RFX3: variants seen among roughly 807,000 people sequenced by gnomAD.
RFX3 encodes the protein regulatory factor X3, also known as transcription factor RFX3.
A neutral mutation model predicts 98.6 loss-of-function variants in RFX3; 14 were observed. That is an observed-to-expected ratio of 0.14 (90% CI 0.09 to 0.22). The LOEUF is 0.22. Among genes scored for constraint, RFX3 ranks in the 10% least tolerant of loss-of-function variants. The pLI, the probability that RFX3 is intolerant of heterozygous loss-of-function variation, is 1.00. For missense variants in RFX3, 639 were observed against 926.9 expected, an observed-to-expected ratio of 0.69 and a Z score of 4.03; for synonymous variants, 383 against 328.4, an observed-to-expected ratio of 1.17 and a Z score of -1.80.
At chr9:3,411,940 T>C (rs970997279) in intron 1 of RFX3, among the ~76,000 whole-genome samples, 1 of 152,192 alleles carries the variant, frequency 6.6e-6, no homozygotes, top group African/African-American at 2.4e-5. Flanking sequence ...ATTTTCTTCT[T>C]TGAAATTATT....
At chr9:3,345,965 C>G (rs1477136596) in intron 3 of RFX3, among the ~76,000 whole-genome samples, 1 of 152,078 alleles carries the variant, frequency 6.6e-6, no homozygotes, top group Non-Finnish European at 1.5e-5. Context: ...GTGAGAGAAC[C>G]TGAATTCATT....
intron 1 of RFX3, among the ~76,000 whole-genome samples, chr9:3,441,586 A>C (rs1845615108): frequency 6.6e-6 from 1 of 152,190 alleles, no homozygotes; most frequent in South Asian, 2.1e-4. Flanking sequence ...GTGGAGGGTA[A>C]CAAGTTAAGG....
At chr9:3,523,048 T>C (rs944106655) in intron 1 of RFX3, among the ~76,000 whole-genome samples, 7 of 152,210 alleles carry the variant, frequency 4.6e-5, no homozygotes, top group South Asian at 2.1e-4. Flanking sequence ...GCAAAACTTC[T>C]AGAAATTCAT....
chr9:3,477,013 CAT>C (rs1333053496), intron 1 of RFX3, among the ~76,000 whole-genome samples: 1 of 152,140 alleles, frequency 6.6e-6, no homozygotes, highest in Non-Finnish European at 1.5e-5. Flanking sequence ...TGATGTAATA[CAT>C]ATATGTCACT....
intron 4 of RFX3, among the ~76,000 whole-genome samples, chr9:3,319,435 A>C (rs569549089): frequency 9.9e-5 from 15 of 152,262 alleles, no homozygotes; most frequent in African/African-American, 3.4e-4. Context: ...ACATTCCCAC[A>C]ATGGTGCCAG....
At position 3,293,200 on chromosome 9, in the gene RFX3, G is replaced by C. The variant is rs747574969; in HGVS notation, c.608C>G (p.Thr203Ser). Residue 203 changes from threonine (T) to serine (S), a missense_variant, in exon 6 of 17, where the codon ACT (threonine) becomes AGT (serine). By Grantham distance (58) the Thr-to-Ser change is moderately conservative (BLOSUM62 1). Transcript: ENST00000617270. ...GTGTCGAAGGTAGTGGTTGTACAGAGTGCTTCTGGGAAGGCTCACTCCTTC... is the reference window on the plus strand; with the variant it reads ...GTGTCGAAGGTAGTGGTTGTACAGACTGCTTCTGGGAAGGCTCACTCCTTC... ...TAEGVSLPRS[T>S]LYNHYLRHCQ... 1 of 1,612,598 alleles carries C rather than the reference G, an allele frequency of 6.2e-7. No homozygotes were observed. The highest frequency in any genetic ancestry group is 1.1e-5 in the South Asian group (1 of 90,756).
At chr9:3,299,134 A>G (rs1157400525) in intron 5 of RFX3, among the ~76,000 whole-genome samples, 3 of 151,794 alleles carry the variant, frequency 2.0e-5, no homozygotes, top group African/African-American at 7.2e-5. Context: ...GTTTACTAAC[A>G]TTTAAAATAT....
chr9:3,325,042 G>T (rs141799515), intron 4 of RFX3, among the ~76,000 whole-genome samples: 1 of 152,226 alleles, frequency 6.6e-6, no homozygotes, highest in East Asian at 1.9e-4. Context: ...TGAGAATTGG[G>T]AAACGGGTGA....
At chr9:3,384,163 G>C (rs536521095) in intron 2 of RFX3, among the ~76,000 whole-genome samples, 31 of 152,002 alleles carry the variant, frequency 2.0e-4, no homozygotes, top group African/African-American at 7.2e-4. Flanking sequence ...AAGTGAGCAA[G>C]GCCCAAGTCC....
chr9:3,421,533 C>T (rs1182257449), intron 1 of RFX3, among the ~76,000 whole-genome samples: 2 of 152,166 alleles, frequency 1.3e-5, no homozygotes, highest in East Asian at 1.9e-4. Context: ...AAAGCAAATA[C>T]TCTATCTAGT....
At chr9:3,419,462 GCT>G (rs1326749597) in intron 1 of RFX3, among the ~76,000 whole-genome samples, 1 of 152,090 alleles carries the variant, frequency 6.6e-6, no homozygotes, top group Non-Finnish European at 1.5e-5. Context: ...TGTAATCCAT[GCT>G]CTGTCTTTTT....
intron 4 of RFX3, among the ~76,000 whole-genome samples, chr9:3,306,419 T>C (rs1829320449): frequency 6.6e-6 from 1 of 151,748 alleles, no homozygotes; most frequent in Non-Finnish European, 1.5e-5. Flanking sequence ...ACTAGCAGAG[T>C]TTCATAAATA....
chr9:3,513,800 ATC>A (rs979946819), intron 1 of RFX3, among the ~76,000 whole-genome samples: 1 of 152,172 alleles, frequency 6.6e-6, no homozygotes, highest in African/African-American at 2.4e-5. Flanking sequence ...ATTAAAATAA[ATC>A]TCTTTCCAAG....
At chr9:3,390,976 T>C (rs1840254022) in intron 2 of RFX3, among the ~76,000 whole-genome samples, 2 of 152,192 alleles carry the variant, frequency 1.3e-5, no homozygotes, top group Non-Finnish European at 2.9e-5. Flanking sequence ...ATATATAATA[T>C]TGAATGCCTC....
At chr9:3,259,919 A>G (rs1822644170) in intron 13 of RFX3, among the ~76,000 whole-genome samples, 1 of 152,088 alleles carries the variant, frequency 6.6e-6, no homozygotes, top group South Asian at 2.1e-4. Context: ...TTACAAGAGC[A>G]TCATTCTTAT....
chr9:3,263,139 C>T, intron 12 of RFX3, 55 bp from the exon 13 acceptor site: 19 of 1,568,368 alleles, frequency 1.2e-5, no homozygotes, highest in Non-Finnish European at 1.7e-5. Flanking sequence ...AAAGAAACCA[C>T]TGCAATTTTC....
At chr9:3,435,748 A>T (rs764346639) in intron 1 of RFX3, among the ~76,000 whole-genome samples, 6 of 150,678 alleles carry the variant, frequency 4.0e-5, no homozygotes, top group Admixed American at 2.0e-4. Flanking sequence ...ATAATTATTC[A>T]CATTCACAGA....
chr9:3,458,716 G>T lies in RFX3; in HGVS notation c.-8-63120C>A, dbSNP rs1168658397. 2.6e-5 allele frequency among the ~76,000 whole-genome samples: 4 copies of T among 152,142 alleles called. 1 individual carries two copies. The highest frequency in any genetic ancestry group is 4.4e-5 in the Non-Finnish European group (3 of 68,014). ...TCCTGTAGTTGTAGTTTCTTCTGGA[G>T]TCAATGAACATGTGTTCATTACCCT... On this transcript the variant is annotated intron_variant, in intron 1 of 16. Coordinates refer to ENST00000617270, the MANE Select transcript of RFX3 (RefSeq NM_001282116.2).
chr9:3,525,876 CGGTGACTAT>C lies in RFX3; in HGVS notation c.-147_-139del, dbSNP rs1466742457. 6.1e-6 allele frequency: 6 copies of C among 984,720 alleles called. No homozygotes were observed. Among genetic ancestry groups the C allele is most frequent in the Non-Finnish European group, 7.2e-6 (6 of 829,904 alleles). 61.0% of individuals were successfully genotyped at this position (984,720 alleles called of 1,614,324 possible). On this transcript the variant is annotated 5_prime_UTR_variant, in exon 1 of 17. Coordinates refer to ENST00000617270, the MANE Select transcript of RFX3 (RefSeq NM_001282116.2). ...TGATGGGTAACAGTCGCCAGGACTACGGTGACTATGGCGCTTGATTCACAAGGCAACGGT... is the reference window on the plus strand; with the variant it reads ...TGATGGGTAACAGTCGCCAGGACTACGGCGCTTGATTCACAAGGCAACGGT...
Sources: allele counts gnomAD v4.1 joint callset (sites outside exome capture counted in the v4.1 genomes callset), GRCh38; gene constraint gnomAD v4.1.1; transcripts MANE v1.5; gene names NCBI Gene and HGNC (gene_info 2026-07-23, HGNC 2026-07-21).